Variants in TTC27 observed in about 807,000 individuals in gnomAD.
The protein encoded by TTC27 is tetratricopeptide repeat domain 27.
TTC27 carries 79 observed loss-of-function variants against 115.9 expected under a neutral mutation model. The observed-to-expected ratio is 0.68, with a 90% confidence interval of 0.57 to 0.82. The LOEUF (loss-of-function observed/expected upper bound fraction) is 0.82. Among genes scored for constraint, TTC27 ranks in the 40% least tolerant of loss-of-function variants. The pLI, the probability that TTC27 is intolerant of heterozygous loss-of-function variation, is 0.00. For missense variants in TTC27, 1,054 were observed against 993.1 expected (o/e 1.06, Z -0.82); for synonymous variants, 401 against 356.0 (o/e 1.13, Z -1.42).
intron 16 of TTC27, 85 bp downstream of exon 16, chr2:32,787,234 A>C: frequency 1.4e-6 from 2 of 1,465,150 alleles, no homozygotes; most frequent in Non-Finnish European, 1.8e-6. Context: ...TTGAATATGC[A>C]CAGGAAAATT....
intron 12 of TTC27, among the ~76,000 whole-genome samples, chr2:32,749,290 G>A (rs1668931632): frequency 6.6e-6 from 1 of 152,144 alleles, no homozygotes; most frequent in Non-Finnish European, 1.5e-5. Context: ...GGAATCACTA[G>A]ACTGGGCATA....
rs182820007 is a variant in TTC27 at position 32,810,744 on chromosome 2, G to A, written c.1999-280G>A. Among the ~76,000 whole-genome samples the A allele has an allele frequency of 1.6e-3, 250 of 152,084 alleles. 1 individual carries two copies. Among genetic ancestry groups the A allele is most frequent in the African/African-American group, 5.6e-3 (234 of 41,472 alleles). ...CCAATCATTCAGAGAGAATGTTCCA[G>A]GTGAGAAGAGCCAAGCACCAAACAT... On this transcript the variant is annotated intron_variant, in intron 16 of 19. Transcript: ENST00000317907.
chr2:32,639,075 G>A (rs577626901), intron 3 of TTC27, among the ~76,000 whole-genome samples: 55 of 151,740 alleles, frequency 3.6e-4, no homozygotes, highest in Non-Finnish European at 5.4e-4. Context: ...CTCGTGATCC[G>A]CCCGCCTTGG....
At chr2:32,682,858 T>TTG (rs1373103359) in intron 9 of TTC27, among the ~76,000 whole-genome samples, 1 of 117,998 alleles carries the variant, frequency 8.5e-6, no homozygotes, top group Non-Finnish European at 1.8e-5. Flanking sequence ...TTTTTTTTTT[T>TTG]TTTTTTTTTT....
At chr2:32,678,812 A>G (rs1666318084) in intron 8 of TTC27, 44 bp from the exon 9 acceptor site, 2 of 1,405,436 alleles carry the variant, frequency 1.4e-6, no homozygotes, top group South Asian at 1.2e-5. Context: ...ATTAGCTACA[A>G]CATGCATCTT....
chr2:32,662,337 G>A (rs1665579271), intron 5 of TTC27, among the ~76,000 whole-genome samples: 1 of 152,184 alleles, frequency 6.6e-6, no homozygotes, highest in Non-Finnish European at 1.5e-5. Context: ...AGTTTCAGAA[G>A]GAATGGTACC....
At chr2:32,784,206 A>G (rs1011755676) in intron 15 of TTC27, among the ~76,000 whole-genome samples, 8 of 152,166 alleles carry the variant, frequency 5.3e-5, no homozygotes, top group African/African-American at 1.4e-4. Flanking sequence ...CAGCCCAATC[A>G]TGTTAGGAAT....
At chr2:32,685,899 A>G (rs889244405) in intron 9 of TTC27, among the ~76,000 whole-genome samples, 68 of 152,274 alleles carry the variant, frequency 4.5e-4, no homozygotes, top group Non-Finnish European at 2.2e-4. Flanking sequence ...AGGTATATAG[A>G]TTGGAAATTA....
chr2:32,800,449 G>A (rs1223931530), intron 16 of TTC27, among the ~76,000 whole-genome samples: 1 of 151,908 alleles, frequency 6.6e-6, no homozygotes, highest in African/African-American at 2.4e-5. Context: ...CCAAAGTGCT[G>A]GGATTACAGG....
intron 15 of TTC27, among the ~76,000 whole-genome samples, chr2:32,784,100 C>T (rs1354422515): frequency 6.6e-6 from 1 of 152,256 alleles, no homozygotes; most frequent in Non-Finnish European, 1.5e-5. Context: ...GCAACAGGCT[C>T]GGAAGTCCCT....
At chr2:32,631,353 A>G (rs976552496) in intron 2 of TTC27, among the ~76,000 whole-genome samples, 1 of 152,168 alleles carries the variant, frequency 6.6e-6, no homozygotes, top group Admixed American at 6.5e-5. Flanking sequence ...TTATTTCTGC[A>G]TAGCTGAGTG....
At chr2:32,769,809 G>T (rs1199419189) in intron 13 of TTC27, among the ~76,000 whole-genome samples, 2 of 152,196 alleles carry the variant, frequency 1.3e-5, no homozygotes, top group Non-Finnish European at 2.9e-5. Context: ...TTGAGGTATT[G>T]AGGGGGATAC....
At chr2:32,801,206 T>C (rs1670923202) in intron 16 of TTC27, among the ~76,000 whole-genome samples, 1 of 152,204 alleles carries the variant, frequency 6.6e-6, no homozygotes, top group Non-Finnish European at 1.5e-5. Flanking sequence ...GTTAGTTTTC[T>C]AGGGCTACAA....
chr2:32,664,196 AAC>A, intron 5 of TTC27, 105 bp from the exon 6 acceptor site: 1 of 974,682 alleles, frequency 1.0e-6, no homozygotes, highest in African/African-American at 1.6e-5. Context: ...ATTATTTAAC[AAC>A]AGAGACTATG....
At chr2:32,712,602 C>T (rs534859525) in intron 10 of TTC27, among the ~76,000 whole-genome samples, 46 of 152,032 alleles carry the variant, frequency 3.0e-4, no homozygotes, top group African/African-American at 1.1e-3. Flanking sequence ...CTTTGTCACC[C>T]AGGCTGGAGT....
rs183477728 is a variant in TTC27, at chr2:32,654,726, C to T, written c.640+4493C>T. The stretch of plus-strand genomic sequence containing the variant: ...TTTTTTTTTTTTTGAGATGGAGTCT[C>T]GCTCTGTTGCCCAGGCTGGAGTGTA... On this transcript the variant is annotated intron_variant, in intron 5 of 19. Coordinates refer to ENST00000317907, the MANE Select transcript of TTC27 (RefSeq NM_017735.5). Among the ~76,000 whole-genome samples the T allele has an allele frequency of 9.3e-3, 1,391 of 149,878 alleles. 9 individuals carry two copies. Among genetic ancestry groups the T allele is most frequent in the Admixed American group, 0.014 (210 of 14,996 alleles).
At chr2:32,666,004 A>T (rs905232917) in intron 6 of TTC27, among the ~76,000 whole-genome samples, 2 of 152,234 alleles carry the variant, frequency 1.3e-5, no homozygotes, top group African/African-American at 2.4e-5. Context: ...CAGACTCATA[A>T]CAGGATAAAA....
intron 19 of TTC27, among the ~76,000 whole-genome samples, 157 bp downstream of exon 19, chr2:32,817,714 T>C (rs1671553350): frequency 6.6e-6 from 1 of 152,224 alleles, no homozygotes; most frequent in South Asian, 2.1e-4. Flanking sequence ...GTTGTGAGGA[T>C]ACTATTGGCC....
chr2:32,787,237 G>C (rs1381849165), intron 16 of TTC27, 88 bp downstream of exon 16: 1 of 1,440,204 alleles, frequency 6.9e-7, no homozygotes, highest in East Asian at 2.3e-5. Context: ...AATATGCACA[G>C]GAAAATTTTG....
Sources: allele counts gnomAD v4.1 joint callset (sites outside exome capture counted in the v4.1 genomes callset), GRCh38; gene constraint gnomAD v4.1.1; transcripts MANE v1.5; gene names NCBI Gene and HGNC (gene_info 2026-07-23, HGNC 2026-07-21).